The following ABCA3 variants were observed in gnomAD, a reference collection of about 807,000 sequenced individuals.
The protein encoded by ABCA3 is ATP binding cassette subfamily A member 3.
In ABCA3, 88 loss-of-function variants were observed where a neutral mutation model predicts 172.8. The observed-to-expected ratio is 0.51, with a 90% CI of 0.43 to 0.61. The LOEUF (loss-of-function observed/expected upper bound fraction) is 0.61, where lower values mean the gene tolerates loss of function less well. Among genes scored for constraint, ABCA3 ranks in the 20% least tolerant of loss-of-function variants. ABCA3 has a pLI of 0.00. For synonymous variants in ABCA3, 1,066 were observed against 983.8 expected (o/e 1.08, Z -1.56); for missense variants, 2,164 against 2,301.0 (o/e 0.94, Z 1.22).
intron 1 of ABCA3, chr16:2,332,319 G>A (rs763860029): frequency 9.9e-6 from 7 of 706,448 alleles, no homozygotes; most frequent in Non-Finnish European, 1.8e-5. Flanking sequence ...GGGCTTATCG[G>A]TAGGATTTCT....
intron 32 of ABCA3, 59 bp from the exon 33 acceptor site, chr16:2,276,864 A>C: frequency 6.2e-7 from 1 of 1,603,720 alleles, no homozygotes. Context: ...CCTCTGCGGG[A>C]CCTGGGAGTC....
chr16:2,301,787 C>T (rs910514129), intron 12 of ABCA3, among the ~76,000 whole-genome samples: 1 of 151,908 alleles, frequency 6.6e-6, no homozygotes, highest in Non-Finnish European at 1.5e-5. Flanking sequence ...GATGGGCCCA[C>T]AGAATGGAAC....
At chr16:2,318,905 G>A (rs377146829) in intron 8 of ABCA3, among the ~76,000 whole-genome samples, 28 of 151,664 alleles carry the variant, frequency 1.8e-4, no homozygotes, top group African/African-American at 5.3e-4. Context: ...TTCAGTAACC[G>A]TTTCACGTTT....
intron 7 of ABCA3, among the ~76,000 whole-genome samples, chr16:2,320,790 T>C (rs973516537): frequency 2.0e-5 from 3 of 152,134 alleles, no homozygotes; most frequent in Non-Finnish European, 4.4e-5. Flanking sequence ...CCCTGTGCCA[T>C]GCCAGTCTCA....
At chr16:2,308,692 G>T in intron 10 of ABCA3, 69 bp from the exon 11 acceptor site, 1 of 1,585,960 alleles carries the variant, frequency 6.3e-7, no homozygotes, top group Non-Finnish European at 8.6e-7. Flanking sequence ...GCTCCCCGAG[G>T]TACAGGCAAC....
At position 2,303,387 on chromosome 16, in the gene ABCA3, G is replaced by A. The variant is rs556658157; in HGVS notation, c.1467+582C>T. Reference sequence around the variant, plus strand: ...TGCCATTCTCCTGCCTCAGCCTCCCGAGTAGCTGGGACTACAGGCACCCGC... The same window carrying A: ...TGCCATTCTCCTGCCTCAGCCTCCCAAGTAGCTGGGACTACAGGCACCCGC... On this transcript the variant is annotated intron_variant, in intron 12 of 32. Coordinates refer to ENST00000301732, the MANE Select transcript of ABCA3 (RefSeq NM_001089.3). Among the ~76,000 whole-genome samples the A allele has an allele frequency of 9.8e-4, 147 of 150,168 alleles. 1 individual carries two copies. The highest frequency in any genetic ancestry group is 2.7e-4 in the Admixed American group (4 of 14,982).
At chr16:2,309,467 G>A (rs751526107) in intron 10 of ABCA3, among the ~76,000 whole-genome samples, 12 of 152,222 alleles carry the variant, frequency 7.9e-5, no homozygotes, top group Non-Finnish European at 1.6e-4. Context: ...AGGAGGCGCA[G>A]GATGGGAGAA....
rs1041823532 is a variant in ABCA3, at chr16:2,319,739, T to C, written c.715A>G (p.Thr239Ala). Residue 239 changes from threonine to alanine, a missense_variant, in exon 8 of 33, where the codon ACG becomes GCG. Thr to Ala is a moderately conservative substitution (Grantham distance 58). Transcript: ENST00000301732. Reference protein sequence around the residue: ...AATRQLFQRLTVTIKRFPYPP... With the variant: ...AATRQLFQRLAVTIKRFPYPP... Reference sequence around the variant, plus strand: ...TACGGGAACCTCTTGATGGTCACCGTCAGTCTCTGGAACAGCTGGCGTGTG... The same window carrying C: ...TACGGGAACCTCTTGATGGTCACCGCCAGTCTCTGGAACAGCTGGCGTGTG... 6.2e-7 allele frequency: 1 copy of C among 1,613,844 alleles called. No homozygotes were observed. Among genetic ancestry groups the C allele is most frequent in the Non-Finnish European group, 8.5e-7 (1 of 1,179,988 alleles).
intron 1 of ABCA3, among the ~76,000 whole-genome samples, chr16:2,333,819 G>T (rs1239527405): frequency 6.6e-6 from 1 of 151,858 alleles, no homozygotes; most frequent in East Asian, 1.9e-4. Context: ...CTCCTGAGTA[G>T]CTGGGATTAC....
In ABCA3 at chr16:2,304,140, G is replaced by C. The variant is rs1403040871; in HGVS notation, c.1296C>G (p.Ile432Met). Residue 432 changes from isoleucine to methionine, a missense_variant, in exon 12 of 33, where the codon ATC becomes ATG. Coordinates refer to ENST00000301732, the MANE Select transcript of ABCA3 (RefSeq NM_001089.3). ...IGKFEAKGMGIQWRDLLSPVN... is the reference protein window; with the variant it reads ...IGKFEAKGMGMQWRDLLSPVN... ...CGGGACTCAGGAGGTCTCGCCACTG[G>C]ATGCCCATGCCTGGAAGACACATCA... 6.2e-7 allele frequency: 1 copy of C among 1,614,158 alleles called. No homozygotes were observed. The highest frequency in any genetic ancestry group is 1.7e-5 in the Admixed American group (1 of 60,022).
chr16:2,314,865 GC>G (rs2093712361), intron 10 of ABCA3, among the ~76,000 whole-genome samples: 1 of 146,578 alleles, frequency 6.8e-6, no homozygotes, highest in South Asian at 2.1e-4. Context: ...GAGCCATAGT[GC>G]CTGGTCTTTT....
chr16:2,329,062 T>C (rs536813458), intron 2 of ABCA3, among the ~76,000 whole-genome samples: 432 of 151,756 alleles, frequency 2.8e-3, no homozygotes, highest in African/African-American at 9.7e-3. Context: ...CTTTAAAGGG[T>C]AGTCAATAAA....
rs1433053460 is a variant in ABCA3, at chr16:2,276,253, C to T, written c.*421G>A. On this transcript the variant is annotated 3_prime_UTR_variant, in exon 33 of 33. Coordinates refer to ENST00000301732, the MANE Select transcript of ABCA3 (RefSeq NM_001089.3). ...GCCTGGGGGCCTCGCTACAGTTCAA[C>T]CTGGCTGGCTTCCCGCTTCCTCCCC... is the stretch of plus-strand genomic sequence containing the variant. 1 of 455,782 alleles carries T rather than the reference C, an allele frequency of 2.2e-6. No homozygotes were observed. The highest frequency in any genetic ancestry group is 4.4e-6 in the Non-Finnish European group (1 of 226,862). The allele number at this position is 455,782 out of a possible 1,614,324, so 28.2% of individuals were successfully genotyped here. A position where few individuals can be genotyped will look rare whatever the true frequency, so the allele number is the denominator to read the frequency against.
In ABCA3 at chr16:2,319,932, T is replaced by C. The variant is rs2093723225; in HGVS notation, c.614-92A>G. 6.4e-6 allele frequency: 10 copies of C among 1,557,316 alleles called. No homozygotes were observed. The Middle Eastern group carries it at 1.4e-3, about 215-fold the overall frequency. On this transcript the variant is annotated intron_variant, in intron 7 of 32. Transcript: ENST00000301732. ...TGCATGGGGTCCATGGGGGAAGAGA[T>C]GCTTGGGGCAACAGAGTGACTTCAG...
At chr16:2,282,297 C>T (rs145620616) in intron 26 of ABCA3, among the ~76,000 whole-genome samples, 9 of 152,254 alleles carry the variant, frequency 5.9e-5, no homozygotes, top group African/African-American at 1.9e-4. Flanking sequence ...TAGGGTCTCA[C>T]TATGTTGCCC....
intron 17 of ABCA3, among the ~76,000 whole-genome samples, chr16:2,296,852 C>T (rs2093680575): frequency 6.6e-6 from 1 of 152,190 alleles, no homozygotes; most frequent in Middle Eastern, 3.2e-3. Flanking sequence ...TGTCTTTGCT[C>T]CACCCCGTTG....
chr16:2,337,681 T>C (rs1244589268), intron 1 of ABCA3, among the ~76,000 whole-genome samples: 1 of 152,176 alleles, frequency 6.6e-6, no homozygotes, highest in Non-Finnish European at 1.5e-5. Flanking sequence ...TCACTTGCAC[T>C]GGCCAAGGCC....
chr16:2,277,829 G>A lies in ABCA3; in HGVS notation c.4909+50C>T. 1 of 1,604,918 alleles carries A rather than the reference G, an allele frequency of 6.2e-7. No individual in the cohort carries two copies. Among genetic ancestry groups the A allele is most frequent in the Non-Finnish European group, 8.5e-7 (1 of 1,177,758 alleles). On this transcript the variant is annotated intron_variant, in intron 31 of 32. Transcript: ENST00000301732. This position sits in a 1 kb window ranked among gnomAD's most constrained non-coding sequence, Gnocchi z 5.3. ...CCGCACAGCAGATGGGAGAGGCCTA[G>A]GTAGGGGCCCAGGGCCCACCCAGTG... is the stretch of plus-strand genomic sequence containing the variant.
At position 2,278,482 on chromosome 16, in the gene ABCA3, G is replaced by T. The variant is rs974323224; in HGVS notation, c.4548-24C>A. 3 of 1,607,644 alleles carry T rather than the reference G, an allele frequency of 1.9e-6. No homozygotes were observed. Among genetic ancestry groups the T allele is most frequent in the Non-Finnish European group, 2.5e-6 (3 of 1,179,860 alleles). The stretch of plus-strand genomic sequence containing the variant: ...CACTAGAGGCAGGAGGGTGCCAGGT[G>T]GGGGAATAAGGCTGAGAGTTAGCAT... On this transcript the variant is annotated intron_variant, in intron 29 of 32. Transcript: ENST00000301732. The surrounding 1 kb of genome is among the most constrained non-coding windows in gnomAD (Gnocchi z 4.4).
Sources: gnomAD v4.1 joint callset for allele counts (sites outside exome capture counted in the v4.1 genomes callset) on GRCh38, gnomAD v4.1.1 for gene constraint, Gnocchi (gnomAD v3.1) non-coding constraint, MANE v1.5 for transcripts, NCBI Gene and HGNC (gene_info 2026-07-23, HGNC 2026-07-21) for gene names.